RBFOX1: variants seen among roughly 807,000 people sequenced by gnomAD.
RBFOX1 encodes the protein RNA binding protein fox-1 homolog 1.
RBFOX1 carries 8 observed loss-of-function variants against 57.7 expected under a neutral mutation model. The ratio of observed to expected loss-of-function variants is 0.14; its 90% CI spans 0.08 to 0.25. The LOEUF (loss-of-function observed/expected upper bound fraction) is 0.25, where lower values mean the gene tolerates loss of function less well. Among genes scored for constraint, RBFOX1 ranks in the 10% least tolerant of loss-of-function variants. The pLI, the probability that RBFOX1 is intolerant of heterozygous loss-of-function variation, is 1.00. For missense variants in RBFOX1, 611 were observed against 548.5 expected, an observed-to-expected ratio of 1.11 and a Z score of -1.14; for synonymous variants, 326 against 222.4, an observed-to-expected ratio of 1.47 and a Z score of -4.15.
intron 4 of RBFOX1, among the ~76,000 whole-genome samples, chr16:7,418,342 C>T (rs2098504653): frequency 6.6e-6 from 1 of 152,212 alleles, no homozygotes; most frequent in Non-Finnish European, 1.5e-5. Flanking sequence ...TTTCACAGGG[C>T]AAAGCATCTC....
chr16:6,875,163 T>C (rs1436914415), intron 3 of RBFOX1, among the ~76,000 whole-genome samples: 1 of 152,330 alleles, frequency 6.6e-6, no homozygotes, highest in East Asian at 1.9e-4. Flanking sequence ...CCTACAGTGC[T>C]TGTGCACATA....
chr16:6,950,899 T>A (rs2080596096), intron 3 of RBFOX1, among the ~76,000 whole-genome samples: 1 of 97,206 alleles, frequency 1.0e-5, no homozygotes, highest in Non-Finnish European at 2.5e-5. Context: ...CTTTTCACTC[T>A]TTCTTTCTTT....
chr16:6,538,117 G>A (rs1299232004), intron 2 of RBFOX1, among the ~76,000 whole-genome samples: 1 of 151,858 alleles, frequency 6.6e-6, no homozygotes, highest in Non-Finnish European at 1.5e-5. Context: ...ACAATTCAAG[G>A]ACATTAGATT....
chr16:6,928,587 G>C (rs1303152532), intron 3 of RBFOX1, among the ~76,000 whole-genome samples: 2 of 152,128 alleles, frequency 1.3e-5, no homozygotes, highest in South Asian at 2.1e-4. Flanking sequence ...CTTGGGATCA[G>C]CAATGTGTCT....
chr16:6,495,165 C>T (rs117290290), intron 2 of RBFOX1, among the ~76,000 whole-genome samples: 5 of 152,256 alleles, frequency 3.3e-5, no homozygotes, highest in Non-Finnish European at 5.9e-5. Context: ...TTCACCCATG[C>T]GGGAGTGAAG....
rs565636527 is a variant in RBFOX1 at position 5,974,470 on chromosome 16, C to T, written c.351+107135C>T. ...CTAAAAATACAAAAAATTAGCTGGC[C>T]GTGGTGGTGTGCACCTGTAATCCCA... On this transcript the variant is annotated intron_variant, in intron 4 of 19. Coordinates refer to the RBFOX1 transcript ENST00000641259. Among the ~76,000 whole-genome samples the T allele has an allele frequency of 6.6e-5, 10 of 151,754 alleles. No homozygotes were observed. In the South Asian group the frequency reaches 1.3e-3, roughly 19 times the overall value.
At chr16:5,347,136 G>C (rs751848401) in intron 1 of RBFOX1, among the ~76,000 whole-genome samples, 1 of 152,058 alleles carries the variant, frequency 6.6e-6, no homozygotes, top group Non-Finnish European at 1.5e-5. Context: ...CCTGGCACCT[G>C]ATATCTCCCC....
At position 6,980,558 on chromosome 16, in the gene RBFOX1, T is replaced by A. The variant is rs144800810; in HGVS notation, c.-15-71499T>A. Among the ~76,000 whole-genome samples, 280 of 152,288 alleles carry A rather than the reference T, an allele frequency of 1.8e-3. 2 individuals carry two copies. Among genetic ancestry groups the A allele is most frequent in the African/African-American group, 6.7e-3 (278 of 41,552 alleles). On this transcript the variant is annotated intron_variant, in intron 3 of 15. Transcript: ENST00000550418. The stretch of plus-strand genomic sequence containing the variant: ...TCCAAGCTAACATTTGACATGAGAA[T>A]CAAAAGCGAGTATTGAAAAACAGCT...
chr16:7,687,029 G>A (rs1190077508), intron 14 of RBFOX1, among the ~76,000 whole-genome samples: 1 of 152,056 alleles, frequency 6.6e-6, no homozygotes, highest in Non-Finnish European at 1.5e-5. Flanking sequence ...TAGGAACTGT[G>A]TCTAAATGAA....
intron 1 of RBFOX1, among the ~76,000 whole-genome samples, chr16:6,071,522 T>TA (rs5815279): frequency 6.6e-6 from 1 of 151,986 alleles, no homozygotes; most frequent in Non-Finnish European, 1.5e-5. Flanking sequence ...GTCCTGAACT[T>TA]AAAAAAACTG....
chr16:6,655,406 G>A (rs868618174), intron 3 of RBFOX1, among the ~76,000 whole-genome samples: 3,541 of 63,484 alleles, frequency 0.056, 147 homozygotes, highest in Non-Finnish European at 0.072. Flanking sequence ...AAAAAAAAGA[G>A]CTCGCGCTCA....
chr16:5,785,820 C>G (rs1010490752), intron 3 of RBFOX1, among the ~76,000 whole-genome samples: 3 of 152,192 alleles, frequency 2.0e-5, no homozygotes, highest in Non-Finnish European at 4.4e-5. Flanking sequence ...AGCCTCTGCA[C>G]CCGGCCAAGA....
chr16:6,702,494 C>T (rs1032735838), intron 3 of RBFOX1, among the ~76,000 whole-genome samples: 2 of 151,664 alleles, frequency 1.3e-5, no homozygotes, highest in Non-Finnish European at 2.9e-5. Context: ...GCAGAGGCTA[C>T]AGTGAGCCAA....
chr16:6,632,321 G>C (rs556995901), intron 2 of RBFOX1, among the ~76,000 whole-genome samples: 1 of 150,016 alleles, frequency 6.7e-6, no homozygotes, highest in Non-Finnish European at 1.5e-5. Context: ...TTGTAATAAA[G>C]ATAGCCAGGG....
intron 2 of RBFOX1, among the ~76,000 whole-genome samples, chr16:6,545,113 A>T (rs2096876969): frequency 1.3e-5 from 2 of 152,286 alleles, no homozygotes; most frequent in South Asian, 4.1e-4. Context: ...TCCAAATGAT[A>T]TCTAAAAATC....
intron 3 of RBFOX1, among the ~76,000 whole-genome samples, chr16:7,006,889 C>A (rs1047273730): frequency 5.9e-5 from 9 of 152,204 alleles, no homozygotes; most frequent in Admixed American, 1.3e-4. Flanking sequence ...CTTTGTTCTG[C>A]CTTTAACATC....
chr16:5,669,548 T>C (rs970504030), intron 3 of RBFOX1, among the ~76,000 whole-genome samples: 31 of 150,438 alleles, frequency 2.1e-4, no homozygotes, highest in African/African-American at 7.6e-4. Flanking sequence ...GCCTGCCAAG[T>C]AGCCGGGATT....
chr16:7,454,528 T>A (rs2058088268), intron 4 of RBFOX1, among the ~76,000 whole-genome samples: 2 of 152,164 alleles, frequency 1.3e-5, no homozygotes, highest in South Asian at 4.1e-4. Flanking sequence ...AGAATTCCCA[T>A]GCATGTGAGA....
At chr16:7,554,359 A>G (rs3785250) in intron 5 of RBFOX1, among the ~76,000 whole-genome samples, 92,658 of 152,074 alleles carry the variant, frequency 0.61, 32,515 homozygotes, top group Non-Finnish European at 0.79. Flanking sequence ...TGTTTTATAT[A>G]CTTTTAGGTA....
Sources: allele counts gnomAD v4.1 joint callset (sites outside exome capture counted in the v4.1 genomes callset), GRCh38; gene constraint gnomAD v4.1.1; transcripts MANE v1.5; gene names NCBI Gene and HGNC (gene_info 2026-07-23, HGNC 2026-07-21).